The following PCDHGB2 variants were observed in gnomAD, a reference collection of about 807,000 sequenced individuals.
PCDHGB2 encodes the protein protocadherin gamma subfamily B, 2, also known as protocadherin gamma-B2.
Under a neutral mutation model 59.3 loss-of-function variants are expected in PCDHGB2, and 55 were observed. That is an observed-to-expected ratio of 0.93 (90% CI 0.75 to 1.16). The LOEUF (loss-of-function observed/expected upper bound fraction) is 1.16, where lower values mean the gene tolerates loss of function less well. PCDHGB2 is among the 50% of genes most tolerant of loss of function. PCDHGB2 has a pLI of 0.00. For synonymous variants in PCDHGB2, 516 were observed against 512.0 expected (o/e 1.01, Z -0.11); for missense variants, 1,228 against 1,198.5 (o/e 1.02, Z -0.36).
intron 1 of PCDHGB2, among the ~76,000 whole-genome samples, chr5:141,425,485 A>G (rs2096878362): frequency 6.6e-6 from 1 of 152,274 alleles, no homozygotes; most frequent in Non-Finnish European, 1.5e-5. Context: ...ATGGCAACCT[A>G]CTAGGCTATA....
chr5:141,452,525 G>A (rs1227647193), intron 1 of PCDHGB2, among the ~76,000 whole-genome samples: 3 of 152,126 alleles, frequency 2.0e-5, no homozygotes, highest in Admixed American at 6.5e-5. Flanking sequence ...CCTCAAAATC[G>A]TGAGTTCATA....
Position 141,485,855 on chromosome 5 carries a change from C to A in PCDHGB2, c.2422-8952C>A. ...CCCGCCGAGATCTGGCACCGCAGAG[C>A]TCCGGGTATCCGTGCTGGACGTAAA... On this transcript the variant is annotated intron_variant, in intron 1 of 3. Transcript: ENST00000522605. The surrounding 1 kb of genome is among the most constrained non-coding windows in gnomAD (Gnocchi z 5.7). 6.2e-7 allele frequency: 1 copy of A among 1,614,196 alleles called. No homozygotes were observed. Among genetic ancestry groups the A allele is most frequent in the Non-Finnish European group, 8.5e-7 (1 of 1,180,036 alleles).
At chr5:141,382,983 A>G (rs1377762297) in intron 1 of PCDHGB2, 4 of 1,612,430 alleles carry the variant, frequency 2.5e-6, no homozygotes, top group Non-Finnish European at 3.4e-6. Flanking sequence ...AAGCCTGGGC[A>G]GGACGTATTC....
At chr5:141,500,152 A>C (rs1301287171) in intron 2 of PCDHGB2, among the ~76,000 whole-genome samples, 1 of 151,610 alleles carries the variant, frequency 6.6e-6, no homozygotes, top group African/African-American at 2.4e-5. Flanking sequence ...TTCTTTGTGT[A>C]ATCAAAGAAC....
In PCDHGB2 at chr5:141,432,776, G is replaced by C. The variant is rs975435403; in HGVS notation, c.2422-62031G>C. 1.9e-6 allele frequency: 3 copies of C among 1,614,172 alleles called. No homozygotes were observed. In the African/African-American group the frequency reaches 4.0e-5, roughly 22 times the overall value. ...GGCCGACAGCATCCCCCAAGTCCTG[G>C]CGGACCTCGGCAGCCTCGAGTCTCC... On this transcript the variant is annotated intron_variant, in intron 1 of 3. Transcript: ENST00000522605. This position sits in a 1 kb window ranked among gnomAD's most constrained non-coding sequence, Gnocchi z 6.0.
chr5:141,418,339 T>G (rs779598961), intron 1 of PCDHGB2: 2 of 1,614,012 alleles, frequency 1.2e-6, no homozygotes, highest in Non-Finnish European at 1.7e-6. Context: ...CAGAAGATCC[T>G]GATATTAGTA....
intron 2 of PCDHGB2, among the ~76,000 whole-genome samples, chr5:141,503,685 G>A (rs1171934407): frequency 2.6e-5 from 4 of 151,882 alleles, no homozygotes; most frequent in African/African-American, 9.7e-5. Context: ...TTGGGAAGGA[G>A]AATTGAGATT....
chr5:141,393,527 T>C, intron 1 of PCDHGB2: 2 of 1,613,990 alleles, frequency 1.2e-6, no homozygotes, highest in South Asian at 1.1e-5. Context: ...CAAATGACAA[T>C]GCCCCGGTTT....
At position 141,368,171 on chromosome 5, in the gene PCDHGB2, A is replaced by T. The variant is rs143914194; in HGVS notation, c.2421+5615A>T. ...TTTAAAACCTTGAGCATCAGCTTCAAATAATGACTAAATAAGGGGAAAAGG... is the reference window on the plus strand; with the variant it reads ...TTTAAAACCTTGAGCATCAGCTTCATATAATGACTAAATAAGGGGAAAAGG... On this transcript the variant is annotated intron_variant, in intron 1 of 3. Coordinates refer to ENST00000522605, the MANE Select transcript of PCDHGB2 (RefSeq NM_018923.3). Among the ~76,000 whole-genome samples the T allele has an allele frequency of 3.1e-4, 47 of 152,352 alleles. No homozygotes were observed. In the East Asian group the frequency reaches 8.3e-3, roughly 27 times the overall value.
At position 141,384,450 on chromosome 5, in the gene PCDHGB2, G is replaced by A. The variant is rs756281053; in HGVS notation, c.2421+21894G>A. On this transcript the variant is annotated intron_variant, in intron 1 of 3. Coordinates refer to ENST00000522605, the MANE Select transcript of PCDHGB2 (RefSeq NM_018923.3). ...CTGACACTGGAGTCCTGTACGCGCT[G>A]CAATCCTTTGATTATGAGCAGTTGA... is the stretch of plus-strand genomic sequence containing the variant. 4 of 1,614,040 alleles carry A rather than the reference G, an allele frequency of 2.5e-6. No homozygotes were observed. In the Admixed American group the frequency reaches 6.7e-5, roughly 27 times the overall value.
intron 1 of PCDHGB2, chr5:141,388,609 T>G: frequency 6.2e-7 from 1 of 1,613,926 alleles, no homozygotes; most frequent in Non-Finnish European, 8.5e-7. Context: ...GCTCCAGTGT[T>G]CAGTCAAGAC....
At chr5:141,429,039 A>G (rs565483195) in intron 1 of PCDHGB2, 1 of 152,202 alleles carries the variant, frequency 6.6e-6, no homozygotes, top group East Asian at 1.9e-4. Flanking sequence ...CATTTTTAGT[A>G]CAGACGGGGT....
rs2233607 is a variant in PCDHGB2 at position 141,490,647 on chromosome 5, G to A, written c.2422-4160G>A. The A allele has an allele frequency of 2.5e-3, 3,973 of 1,614,082 alleles. 41 individuals carry two copies. The African/African-American group carries it at 0.027, about 11-fold the overall frequency. ...CTTACATCCTAGAAAACCGGCCTCC[G>A]GGCTCCCTTCTTTGCACTGTGGCTG... is the stretch of plus-strand genomic sequence containing the variant. On this transcript the variant is annotated intron_variant, in intron 1 of 3. Transcript: ENST00000522605. The surrounding 1 kb of genome is among the most constrained non-coding windows in gnomAD (Gnocchi z 5.4).
At chr5:141,373,660 C>G (rs1045727807) in intron 1 of PCDHGB2, among the ~76,000 whole-genome samples, 15 of 152,296 alleles carry the variant, frequency 9.8e-5, no homozygotes, top group Admixed American at 3.3e-4. Context: ...GAGATATTTT[C>G]ATAAAAATGA....
At chr5:141,379,674 AC>A (rs1181796015) in intron 1 of PCDHGB2, 1 of 152,100 alleles carries the variant, frequency 6.6e-6, no homozygotes, top group Non-Finnish European at 1.5e-5. Flanking sequence ...AAAGTCATTC[AC>A]TCATGTGGAC....
In PCDHGB2 at chr5:141,426,967, T is replaced by C. The variant is rs151241654; in HGVS notation, c.2421+64411T>C. 124 of 456,702 alleles carry C rather than the reference T, an allele frequency of 2.7e-4. 1 individual carries two copies. The highest frequency in any genetic ancestry group is 2.1e-3 in the African/African-American group (103 of 50,178). 28.3% of individuals were successfully genotyped at this position (456,702 alleles called of 1,614,324 possible). A position where few individuals can be genotyped will look rare whatever the true frequency, so the allele number is the denominator to read the frequency against. On this transcript the variant is annotated intron_variant, in intron 1 of 3. Coordinates refer to ENST00000522605, the MANE Select transcript of PCDHGB2 (RefSeq NM_018923.3). ...CCAACTGGCACTGCTGCAATTCAAA[T>C]TGAGGTCACTGATGCCAACGATAAT... is the stretch of plus-strand genomic sequence containing the variant.
intron 2 of PCDHGB2, among the ~76,000 whole-genome samples, chr5:141,503,077 T>C (rs902429288): frequency 6.6e-6 from 1 of 151,810 alleles, no homozygotes; most frequent in African/African-American, 2.4e-5. Flanking sequence ...ATGGTCTCGA[T>C]CTCCTGACCT....
intron 1 of PCDHGB2, chr5:141,379,735 C>G (rs1775784648): frequency 2.0e-5 from 3 of 152,002 alleles, no homozygotes; most frequent in Admixed American, 6.6e-5. Flanking sequence ...TAAGTTATGG[C>G]TAAATGAGGT....
intron 1 of PCDHGB2, chr5:141,384,815 A>G (rs1780542398): frequency 5.6e-6 from 9 of 1,613,482 alleles, no homozygotes; most frequent in East Asian, 2.2e-5. Flanking sequence ...GATGCCCTCA[A>G]GCAGAGCCTC....
Sources: gnomAD v4.1 joint callset for allele counts (sites outside exome capture counted in the v4.1 genomes callset) on GRCh38, gnomAD v4.1.1 for gene constraint, Gnocchi (gnomAD v3.1) non-coding constraint, MANE v1.5 for transcripts, NCBI Gene and HGNC (gene_info 2026-07-23, HGNC 2026-07-21) for gene names.